PACSIN2: variants seen among roughly 807,000 people sequenced by gnomAD.
PACSIN2 encodes the protein protein kinase C and casein kinase substrate in neurons protein 2.
Under a neutral mutation model 63.8 loss-of-function variants are expected in PACSIN2, and 25 were observed. That is an observed-to-expected ratio of 0.39 (90% confidence interval 0.29 to 0.55). The LOEUF is 0.55. Among genes scored for constraint, PACSIN2 ranks in the 20% least tolerant of loss-of-function variants. PACSIN2 has a pLI of 0.62. For synonymous variants in PACSIN2, 255 were observed against 256.2 expected (o/e 1.00, Z 0.05); for missense variants, 518 against 646.9 (o/e 0.80, Z 2.16).
chr22:42,873,346 A>G lies in PACSIN2; in HGVS notation c.1349-1877T>C, dbSNP rs184432438. 2.2e-3 allele frequency among the ~76,000 whole-genome samples: 330 copies of G among 152,356 alleles called. 1 individual carries two copies. The highest frequency in any genetic ancestry group is 3.7e-3 in the South Asian group (18 of 4,830). On this transcript the variant is annotated intron_variant, in intron 10 of 10. Coordinates refer to ENST00000263246, the MANE Select transcript of PACSIN2 (RefSeq NM_001184970.3). ...CCCAACCAAAGATATCAGAAACTGGATGAAGATGGCTTAAAGGCACATTAA... is the reference window on the plus strand; with the variant it reads ...CCCAACCAAAGATATCAGAAACTGGGTGAAGATGGCTTAAAGGCACATTAA...
At chr22:42,975,902 G>A (rs1327083598) in intron 1 of PACSIN2, among the ~76,000 whole-genome samples, 1 of 152,140 alleles carries the variant, frequency 6.6e-6, no homozygotes, top group Non-Finnish European at 1.5e-5. Flanking sequence ...AATGCTGTAA[G>A]ACAGACACAA....
At chr22:42,907,978 A>C (rs1931199845) in intron 2 of PACSIN2, among the ~76,000 whole-genome samples, 1 of 152,244 alleles carries the variant, frequency 6.6e-6, no homozygotes, top group Non-Finnish European at 1.5e-5. Context: ...ACCTACAGGG[A>C]GCGCCTTCCT....
rs1187269892 is a variant in PACSIN2 at position 42,905,052 on chromosome 22, C to A, written c.60+6969G>T. ...CAGTTTTAAAAAGTTATTCTGACAT[C>A]ACTGAGATCAAATAAGAAAATAAAA... On this transcript the variant is annotated intron_variant, in intron 2 of 10. Coordinates refer to ENST00000263246, the MANE Select transcript of PACSIN2 (RefSeq NM_001184970.3). 2.6e-5 allele frequency among the ~76,000 whole-genome samples: 4 copies of A among 152,216 alleles called. No individual in the cohort carries two copies. In the East Asian group the frequency reaches 7.7e-4, roughly 29 times the overall value.
At chr22:42,968,939 G>A (rs571295219) in intron 1 of PACSIN2, among the ~76,000 whole-genome samples, 3 of 152,186 alleles carry the variant, frequency 2.0e-5, no homozygotes, top group African/African-American at 7.2e-5. Flanking sequence ...CCCCACTACC[G>A]GCATCCCAGA....
rs1244586537 is a variant in PACSIN2 at position 42,981,371 on chromosome 22, G to A, written c.-78+33650C>T. ...GGGAGGTGGGGGGGGTCAGCCCCCC[G>A]CCCGACCAGCCGCCCCGTCCGGGAG... On this transcript the variant is annotated intron_variant, in intron 1 of 10. Coordinates refer to ENST00000263246, the MANE Select transcript of PACSIN2 (RefSeq NM_001184970.3). 1.2e-3 allele frequency among the ~76,000 whole-genome samples: 172 copies of A among 138,768 alleles called. 4 individuals are homozygous for A. In the South Asian group the frequency reaches 0.04, roughly 32 times the overall value. 91.0% of individuals were successfully genotyped at this position (138,768 alleles called of 152,430 possible).
chr22:42,925,804 C>T (rs1932499386), intron 1 of PACSIN2, among the ~76,000 whole-genome samples: 1 of 152,152 alleles, frequency 6.6e-6, no homozygotes, highest in African/African-American at 2.4e-5. Flanking sequence ...TGGTTCTACC[C>T]TGCCTGTCTA....
At chr22:42,885,568 C>T (rs997850049) in intron 5 of PACSIN2, among the ~76,000 whole-genome samples, 1 of 152,134 alleles carries the variant, frequency 6.6e-6, no homozygotes, top group Non-Finnish European at 1.5e-5. Context: ...TCTCTGCCCC[C>T]AGCTGGGACT....
chr22:43,010,398 A>ATATATATATATATATTTTTTTTTTT, intron 1 of PACSIN2, among the ~76,000 whole-genome samples: 3 of 126,396 alleles, frequency 2.4e-5, no homozygotes, highest in Non-Finnish European at 5.2e-5. Context: ...ATATATATAT[A>ATATATATATATATATTTTTTTTTTT]TTTTTTTTTA....
chr22:42,932,863 C>A (rs1449124269), intron 1 of PACSIN2, among the ~76,000 whole-genome samples: 1 of 152,176 alleles, frequency 6.6e-6, no homozygotes, highest in Non-Finnish European at 1.5e-5. Context: ...AGGACACCCC[C>A]CTGTCCACAT....
chr22:42,908,315 C>T (rs1291505379), intron 2 of PACSIN2, among the ~76,000 whole-genome samples: 1 of 152,184 alleles, frequency 6.6e-6, no homozygotes, highest in Non-Finnish European at 1.5e-5. Context: ...GAGATGCAGG[C>T]AGCGGCTCTC....
At chr22:42,990,001 CACACACATATATAT>C (rs1190321827) in intron 1 of PACSIN2, among the ~76,000 whole-genome samples, 5 of 90,650 alleles carry the variant, frequency 5.5e-5, no homozygotes, top group Non-Finnish European at 1.1e-4. Context: ...TACATATATA[CACACACATATATAT>C]ACACACATAT....
intron 1 of PACSIN2, among the ~76,000 whole-genome samples, chr22:42,913,588 A>G (rs1931614649): frequency 6.6e-6 from 1 of 152,116 alleles, no homozygotes; most frequent in Non-Finnish European, 1.5e-5. Flanking sequence ...GGCCCTTAGT[A>G]AGTGCTACGA....
rs1213785687 is a variant in PACSIN2 at position 42,934,434 on chromosome 22, T to A, written c.-77-22277A>T. On this transcript the variant is annotated intron_variant, in intron 1 of 10. Coordinates refer to ENST00000263246, the MANE Select transcript of PACSIN2 (RefSeq NM_001184970.3). The stretch of plus-strand genomic sequence containing the variant: ...CTTTGGGCCCTGCCTCAGCTGCACA[T>A]CCTCCAACTACACTTGCACACCTTT... Among the ~76,000 whole-genome samples, 4 of 152,156 alleles carry A rather than the reference T, an allele frequency of 2.6e-5. No homozygotes were observed. The South Asian group carries it at 6.2e-4, about 24-fold the overall frequency.
At chr22:42,922,027 C>A (rs1260846015) in intron 1 of PACSIN2, among the ~76,000 whole-genome samples, 4 of 152,230 alleles carry the variant, frequency 2.6e-5, no homozygotes, top group Admixed American at 2.6e-4. Flanking sequence ...GTGTGAGCCA[C>A]CCAACCCTTT....
intron 1 of PACSIN2, among the ~76,000 whole-genome samples, chr22:43,003,382 G>A (rs773750917): frequency 7.2e-5 from 11 of 152,154 alleles, no homozygotes; most frequent in Non-Finnish European, 1.2e-4. Context: ...CAAGGCAGGC[G>A]GATCACGTCA....
chr22:42,975,631 T>C (rs943231864), intron 1 of PACSIN2, among the ~76,000 whole-genome samples: 7 of 143,866 alleles, frequency 4.9e-5, no homozygotes, highest in African/African-American at 7.7e-5. Flanking sequence ...TCCCTTTTTC[T>C]AACCAGAGCC....
Position 42,912,009 on chromosome 22 carries a change from C to T in PACSIN2, c.60+12G>A. The T allele has an allele frequency of 6.3e-7, 1 of 1,588,970 alleles. No individual in the cohort carries two copies. The highest frequency in any genetic ancestry group is 8.6e-7 in the Non-Finnish European group (1 of 1,163,434). ...GGCCACTTCATTCACTGGAAGAAAG[C>T]AGGTGCATTACCTCCCAGAAGCTGT... On this transcript the variant is annotated intron_variant, in intron 2 of 10. Transcript: ENST00000263246.
chr22:42,956,801 G>A (rs937857855), intron 1 of PACSIN2, among the ~76,000 whole-genome samples: 9 of 152,102 alleles, frequency 5.9e-5, no homozygotes, highest in African/African-American at 2.2e-4. Context: ...TGCCAGCACT[G>A]CAACAGTCTG....
intron 1 of PACSIN2, among the ~76,000 whole-genome samples, chr22:42,923,629 G>A (rs1024204346): frequency 1.3e-5 from 2 of 152,030 alleles, no homozygotes; most frequent in Admixed American, 1.3e-4. Context: ...GGGTTTCACC[G>A]TGTCAGCCAG....
Sources: gnomAD v4.1 joint callset for allele counts (sites outside exome capture counted in the v4.1 genomes callset) on GRCh38, gnomAD v4.1.1 for gene constraint, MANE v1.5 for transcripts, NCBI Gene and HGNC (gene_info 2026-07-23, HGNC 2026-07-21) for gene names.